The following SSMEM1 variants were observed in gnomAD, a reference collection of about 807,000 sequenced individuals.
The protein encoded by SSMEM1 is serine rich single-pass membrane protein 1.
SSMEM1 carries 12 observed loss-of-function variants against 9.9 expected under a neutral mutation model. The ratio of observed to expected loss-of-function variants is 1.21; its 90% CI spans 0.78 to 1.96. SSMEM1 has a LOEUF of 1.96. Among genes scored for constraint, SSMEM1 ranks in the 30% most tolerant of loss-of-function variants. SSMEM1 has a pLI of 0.00. For missense variants in SSMEM1, 259 were observed against 292.2 expected (o/e 0.89, Z 0.83); for synonymous variants, 96 against 98.9 (o/e 0.97, Z 0.17).
chr7:130,213,463 C>T lies in SSMEM1; in HGVS notation c.184-17C>T. The stretch of plus-strand genomic sequence containing the variant: ...AACAACTGAGATCACTCTTACTAAC[C>T]TATGTTTCTGAAACAGATGTCTGAG... On this transcript the variant is annotated splice_polypyrimidine_tract_variant and intron_variant, in intron 1 of 2. Transcript: ENST00000297819. 2 of 1,606,912 alleles carry T rather than the reference C, an allele frequency of 1.2e-6. No homozygotes were observed. Among genetic ancestry groups the T allele is most frequent in the South Asian group, 1.1e-5 (1 of 90,390 alleles).
chr7:130,205,421 T>A, upstream of SSMEM1: 1 of 1,613,422 alleles, frequency 6.2e-7, no homozygotes, highest in South Asian at 1.1e-5. Context: ...TCTCTGGGCA[T>A]GCGCAAAGCC....
intron 1 of SSMEM1, among the ~76,000 whole-genome samples, chr7:130,209,689 C>T (rs963701079): frequency 2.6e-5 from 4 of 152,204 alleles, no homozygotes; most frequent in African/African-American, 9.7e-5. Flanking sequence ...CAGTGATTCT[C>T]CTGCCTCAGC....
intron 1 of SSMEM1, among the ~76,000 whole-genome samples, chr7:130,212,454 G>A (rs537158274): frequency 3.3e-5 from 5 of 152,044 alleles, no homozygotes; most frequent in Admixed American, 1.3e-4. Context: ...GGCCAGGCGC[G>A]GTGGCTTACA....
chr7:130,205,537 C>G (rs1798430602), upstream of SSMEM1: 2 of 1,126,082 alleles, frequency 1.8e-6, no homozygotes, highest in African/African-American at 3.1e-5. Flanking sequence ...GCGCTCGGAG[C>G]GTTACCAGGG....
upstream of SSMEM1, among the ~76,000 whole-genome samples, chr7:130,205,902 C>T (rs962924085): frequency 3.9e-5 from 6 of 152,070 alleles, no homozygotes; most frequent in Admixed American, 2.6e-4. Flanking sequence ...TCTCGATTTC[C>T]TAACCTCAAG....
At chr7:130,205,829 G>T (rs953129447), upstream of SSMEM1, among the ~76,000 whole-genome samples, 1 of 150,586 alleles carries the variant, frequency 6.6e-6, no homozygotes, top group Non-Finnish European at 1.5e-5. Flanking sequence ...TATGTCAAGA[G>T]TCCTGACCCC....
chr7:130,208,125 T>G, intron 1 of SSMEM1, 32 bp downstream of exon 1: 1 of 1,567,842 alleles, frequency 6.4e-7, no homozygotes, highest in Non-Finnish European at 8.6e-7. Context: ...TTAAATAATA[T>G]GTTTACTGTA....
chr7:130,210,905 CCTGT>C (rs1323590604), intron 1 of SSMEM1, among the ~76,000 whole-genome samples: 7 of 152,046 alleles, frequency 4.6e-5, no homozygotes, highest in Non-Finnish European at 1.0e-4. Flanking sequence ...AATACCTTCT[CCTGT>C]CTATTACAAA....
chr7:130,216,101 C>G lies in SSMEM1; in HGVS notation c.366C>G (p.Ala122=), dbSNP rs1481406125. Residue 122 remains alanine (A), a synonymous_variant, in exon 3 of 3, where the codon GCC becomes GCG. Coordinates refer to ENST00000297819, the MANE Select transcript of SSMEM1 (RefSeq NM_145268.4). The part of the protein sequence containing the change: ...VTNSEVALVN[A]YPEQRRARRQ... Reference sequence around the variant, plus strand: ...ACTCAGAAGTGGCTTTGGTCAATGCCTATCCTGAACAAAGACGAGCCAGGC... The same window carrying G: ...ACTCAGAAGTGGCTTTGGTCAATGCGTATCCTGAACAAAGACGAGCCAGGC... The G allele has an allele frequency of 6.2e-7, 1 of 1,614,040 alleles. No individual in the cohort carries two copies. The highest frequency in any genetic ancestry group is 8.5e-7 in the Non-Finnish European group (1 of 1,180,042).
intron 1 of SSMEM1, 100 bp downstream of exon 1, chr7:130,208,193 AGTTGT>A: frequency 8.3e-7 from 1 of 1,198,222 alleles, no homozygotes; most frequent in Non-Finnish European, 1.1e-6. Flanking sequence ...TACTTTTAAA[AGTTGT>A]TTAGTTTTAA....
intron 1 of SSMEM1, among the ~76,000 whole-genome samples, chr7:130,211,703 A>C (rs1401859275): frequency 1.3e-5 from 2 of 152,196 alleles, no homozygotes; most frequent in Non-Finnish European, 2.9e-5. Context: ...ATTTGAAAAA[A>C]TTAGAAGAGA....
chr7:130,215,376 C>T (rs1435195198), intron 2 of SSMEM1, among the ~76,000 whole-genome samples: 1 of 152,024 alleles, frequency 6.6e-6, no homozygotes, highest in Admixed American at 6.6e-5. Flanking sequence ...CATAAAAAAC[C>T]AGAAGAGCAC....
rs566029505 is a variant in SSMEM1, at chr7:130,216,763, C to A, written c.*293C>A. The A allele has an allele frequency of 1.3e-4, 46 of 352,194 alleles. 1 individual carries two copies. In the South Asian group the frequency reaches 1.4e-3, roughly 10 times the overall value. The allele number at this position is 352,194 out of a possible 1,614,324, so 21.8% of individuals were successfully genotyped here. A position where few individuals can be genotyped will look rare whatever the true frequency, so the allele number is the denominator to read the frequency against. On this transcript the variant is annotated 3_prime_UTR_variant, in exon 3 of 3. Coordinates refer to ENST00000297819, the MANE Select transcript of SSMEM1 (RefSeq NM_145268.4). ...GTGCCTTGAGTGTATATATTTTGTG[C>A]CTTGAGTGTATGTATTTTGTTTATG...
chr7:130,208,971 T>G (rs1487742232), intron 1 of SSMEM1, among the ~76,000 whole-genome samples: 1 of 152,150 alleles, frequency 6.6e-6, no homozygotes, highest in East Asian at 1.9e-4. Context: ...CAAGTGACTC[T>G]CCTGCCTCAG....
upstream of SSMEM1, chr7:130,205,413 T>C (rs1279451505): frequency 6.2e-7 from 1 of 1,613,336 alleles, no homozygotes; most frequent in Non-Finnish European, 8.5e-7. Context: ...CGCCACTCTC[T>C]CTGGGCATGC....
Position 130,216,197 on chromosome 7 carries a change from G to A in SSMEM1, c.462G>A (p.Glu154=), listed in dbSNP as rs920570977. ...DSDTTEYGSE[E]SNSEASSWKE... ...ATACTACGGAGTATGGCAGTGAAGAGTCTAACTCAGAAGCCTCCTCGTGGA... is the reference window on the plus strand; with the variant it reads ...ATACTACGGAGTATGGCAGTGAAGAATCTAACTCAGAAGCCTCCTCGTGGA... Residue 154 remains glutamate, a synonymous_variant, in exon 3 of 3, where the codon GAG becomes GAA. Coordinates refer to ENST00000297819, the MANE Select transcript of SSMEM1 (RefSeq NM_145268.4). The A allele has an allele frequency of 3.1e-6, 5 of 1,614,182 alleles. No homozygotes were observed. The highest frequency in any genetic ancestry group is 3.4e-6 in the Non-Finnish European group (4 of 1,180,018).
upstream of SSMEM1, chr7:130,207,751 T>C (rs1337621537): frequency 2.3e-5 from 18 of 777,204 alleles, no homozygotes; most frequent in East Asian, 4.7e-4. Flanking sequence ...TCCACAAACT[T>C]AGAAGTCCAA....
upstream of SSMEM1, chr7:130,205,425 CA>C (rs779857490): frequency 6.2e-7 from 1 of 1,613,082 alleles, no homozygotes; most frequent in South Asian, 1.1e-5. Flanking sequence ...TGGGCATGCG[CA>C]AAGCCAAGCT....
At chr7:130,210,273 G>C (rs1798567686) in intron 1 of SSMEM1, among the ~76,000 whole-genome samples, 1 of 152,150 alleles carries the variant, frequency 6.6e-6, no homozygotes, top group Non-Finnish European at 1.5e-5. Flanking sequence ...TCCCAGATTT[G>C]AAATCTGAGA....
Sources: allele counts gnomAD v4.1 joint callset (sites outside exome capture counted in the v4.1 genomes callset), GRCh38; gene constraint gnomAD v4.1.1; transcripts MANE v1.5; gene names NCBI Gene and HGNC (gene_info 2026-07-23, HGNC 2026-07-21).